RYR2: variants seen among roughly 807,000 people sequenced by gnomAD.
The protein encoded by RYR2 is cardiac muscle ryanodine receptor-calcium release channel.
A neutral mutation model predicts 601.1 loss-of-function variants in RYR2; 227 were observed. The observed-to-expected ratio is 0.38, with a 90% CI of 0.34 to 0.42. RYR2 has a LOEUF of 0.42. RYR2 is among the 10% of genes least tolerant of loss of function. RYR2 has a pLI of 1.00. For missense variants in RYR2, 4,646 were observed against 6,156.5 expected (o/e 0.75, Z 8.21); for synonymous variants, 2,223 against 2,175.1 (o/e 1.02, Z -0.61).
intron 2 of RYR2, among the ~76,000 whole-genome samples, chr1:237,302,508 ATAGGT>A (rs1455074070): frequency 6.6e-6 from 1 of 152,196 alleles, no homozygotes; most frequent in Non-Finnish European, 1.5e-5. Context: ...AGTTCCTAGA[ATAGGT>A]TAGTTGTATT....
chr1:237,461,782 T>C (rs1231163099), intron 16 of RYR2, among the ~76,000 whole-genome samples: 1 of 151,872 alleles, frequency 6.6e-6, no homozygotes, highest in Non-Finnish European at 1.5e-5. Flanking sequence ...TCTCTTCCCA[T>C]AATCTACAAG....
At chr1:237,788,931 CTCCA>C (rs1350568922) in intron 92 of RYR2, among the ~76,000 whole-genome samples, 2 of 151,794 alleles carry the variant, frequency 1.3e-5, no homozygotes, top group Non-Finnish European at 1.5e-5. Flanking sequence ...TATCCTTTTC[CTCCA>C]TGCTTATCTC....
intron 1 of RYR2, among the ~76,000 whole-genome samples, chr1:237,177,470 T>C (rs1406145935): frequency 1.3e-5 from 2 of 152,210 alleles, no homozygotes; most frequent in African/African-American, 4.8e-5. Flanking sequence ...CTTATTCTCT[T>C]GCTTTCCTAT....
chr1:237,573,869 T>C (rs1442741776), intron 29 of RYR2, among the ~76,000 whole-genome samples: 1 of 151,930 alleles, frequency 6.6e-6, no homozygotes, highest in East Asian at 2.0e-4. Context: ...GCTGCAGACC[T>C]CTTCCTCAAA....
chr1:237,701,289 G>A (rs747375681), intron 65 of RYR2, among the ~76,000 whole-genome samples: 1 of 152,192 alleles, frequency 6.6e-6, no homozygotes, highest in African/African-American at 2.4e-5. Context: ...CCAGTACTTT[G>A]GGAGGCTGAG....
At chr1:237,209,189 A>G (rs900869999) in intron 1 of RYR2, among the ~76,000 whole-genome samples, 2 of 151,134 alleles carry the variant, frequency 1.3e-5, no homozygotes, top group African/African-American at 4.8e-5. Context: ...GCCATATGAA[A>G]AATATTTTAG....
intron 23 of RYR2, 116 bp from the exon 24 acceptor site, chr1:237,511,571 TA>T: frequency 1.3e-6 from 1 of 745,058 alleles, no homozygotes; most frequent in Non-Finnish European, 2.3e-6. Flanking sequence ...TTTGCAGGGG[TA>T]ATGATCTGGG....
chr1:237,637,822 G>A lies in RYR2; in HGVS notation c.6793-535G>A, dbSNP rs552847906. Among the ~76,000 whole-genome samples, 8 of 152,190 alleles carry A rather than the reference G, an allele frequency of 5.3e-5. No homozygotes were observed. In the South Asian group the frequency reaches 1.0e-3, roughly 20 times the overall value. On this transcript the variant is annotated intron_variant, in intron 44 of 104. Transcript: ENST00000366574. ...TTAAATTCAGAAACATTCTTCTTTC[G>A]TAGTTTTACACATAATCCTGCAGCT...
chr1:237,381,899 C>T (rs532753213), intron 8 of RYR2, among the ~76,000 whole-genome samples: 7 of 152,042 alleles, frequency 4.6e-5, no homozygotes, highest in African/African-American at 1.4e-4. Flanking sequence ...CAAAAATATC[C>T]AAAAGGAAAG....
At chr1:237,385,235 C>T (rs1403589484) in intron 8 of RYR2, among the ~76,000 whole-genome samples, 1 of 151,960 alleles carries the variant, frequency 6.6e-6, no homozygotes, top group East Asian at 1.9e-4. Context: ...TTTATTGGTA[C>T]AAAATATCAC....
intron 41 of RYR2, among the ~76,000 whole-genome samples, chr1:237,629,884 G>A (rs1199745732): frequency 6.6e-6 from 1 of 151,960 alleles, no homozygotes; most frequent in African/African-American, 2.4e-5. Flanking sequence ...CATAATTGTT[G>A]CACACTAAAA....
chr1:237,807,600 C>CCTCGGCCTCCCAAAGTGCTAGGATTA (rs1326039505), intron 99 of RYR2, among the ~76,000 whole-genome samples: 26 of 152,310 alleles, frequency 1.7e-4, no homozygotes, highest in East Asian at 1.9e-4. Flanking sequence ...GATCTGCCTG[C>CCTCGGCCTCCCAAAGTGCTAGGATTA]CTCGGCCTCC....
At chr1:237,049,982 T>C (rs140144693) in intron 1 of RYR2, among the ~76,000 whole-genome samples, 8 of 152,194 alleles carry the variant, frequency 5.3e-5, no homozygotes, top group Non-Finnish European at 1.0e-4. Flanking sequence ...TCAAAGCCCA[T>C]GTGGAAGGTA....
In RYR2 at chr1:237,798,178, T is replaced by G. The variant is rs1332707875; in HGVS notation, c.14090+8T>G. On this transcript the variant is annotated splice_region_variant and intron_variant, in intron 97 of 104. Transcript: ENST00000366574. ...CAGCTCCTTATCAGCTGTGTAAGTGTTACTTCGGCTCTATCCTACAGACTT... is the reference window on the plus strand; with the variant it reads ...CAGCTCCTTATCAGCTGTGTAAGTGGTACTTCGGCTCTATCCTACAGACTT... The G allele has an allele frequency of 1.9e-6, 3 of 1,610,258 alleles. No homozygotes were observed. Among genetic ancestry groups the G allele is most frequent in the Non-Finnish European group, 2.5e-6 (3 of 1,178,506 alleles).
chr1:237,052,240 A>G (rs943523757), intron 1 of RYR2, among the ~76,000 whole-genome samples: 1 of 152,202 alleles, frequency 6.6e-6, no homozygotes. Flanking sequence ...ATATGCATCA[A>G]CCTGGGAACA....
At chr1:237,774,139 C>G (rs1376034495) in intron 87 of RYR2, among the ~76,000 whole-genome samples, 4 of 152,072 alleles carry the variant, frequency 2.6e-5, no homozygotes, top group Admixed American at 2.0e-4. Flanking sequence ...AAGCTTCTAG[C>G]CTTAACTTCA....
intron 91 of RYR2, among the ~76,000 whole-genome samples, chr1:237,787,226 T>C (rs1210697105): frequency 6.6e-6 from 1 of 152,152 alleles, no homozygotes; most frequent in Non-Finnish European, 1.5e-5. Context: ...TGATACACTT[T>C]ATACATGTGA....
intron 13 of RYR2, 150 bp downstream of exon 13, chr1:237,441,633 T>G: frequency 1.6e-6 from 1 of 615,178 alleles, no homozygotes; most frequent in Non-Finnish European, 2.7e-6. Context: ...AATAGACTCT[T>G]TAGCTTTGTA....
chr1:237,211,213 G>A (rs1349192025), intron 1 of RYR2, among the ~76,000 whole-genome samples: 5 of 152,144 alleles, frequency 3.3e-5, no homozygotes, highest in East Asian at 1.9e-4. Context: ...AAAGCTCACC[G>A]TGGCTCTTTT....
Sources: gnomAD v4.1 joint callset for allele counts (sites outside exome capture counted in the v4.1 genomes callset) on GRCh38, gnomAD v4.1.1 for gene constraint, MANE v1.5 for transcripts, NCBI Gene and HGNC (gene_info 2026-07-23, HGNC 2026-07-21) for gene names.